TEX14: variants seen among roughly 807,000 people sequenced by gnomAD.
The protein encoded by TEX14 is inactive serine/threonine-protein kinase TEX14.
TEX14 carries 168 observed loss-of-function variants against 178.6 expected under a neutral mutation model. That is an observed-to-expected ratio of 0.94 (90% confidence interval 0.83 to 1.07). The LOEUF (loss-of-function observed/expected upper bound fraction) is 1.07. Among genes scored for constraint, TEX14 ranks in the 50% least tolerant of loss-of-function variants. The pLI, the probability that TEX14 is intolerant of heterozygous loss-of-function variation, is 0.00. For synonymous variants in TEX14, 626 were observed against 634.1 expected, an observed-to-expected ratio of 0.99 and a Z score of 0.19; for missense variants, 1,730 against 1,753.6, an observed-to-expected ratio of 0.99 and a Z score of 0.24.
At chr17:58,642,772 A>G (rs2046604784) in intron 2 of TEX14, among the ~76,000 whole-genome samples, 1 of 151,870 alleles carries the variant, frequency 6.6e-6, no homozygotes, top group Admixed American at 6.6e-5. Flanking sequence ...CTTTCTGGAA[A>G]CCTCTCACCA....
At chr17:58,565,877 C>G in intron 26 of TEX14, 53 bp from the exon 27 acceptor site, 1 of 1,434,156 alleles carries the variant, frequency 7.0e-7, no homozygotes, top group Non-Finnish European at 9.6e-7. Context: ...GCGTGTCCTG[C>G]CGTTCTCTAG....
rs981270341 is a variant in TEX14 at position 58,662,131 on chromosome 17, A to G, written c.-1-10129T>C. 3.4e-5 allele frequency among the ~76,000 whole-genome samples: 5 copies of G among 146,924 alleles called. No individual in the cohort carries two copies. In the South Asian group the frequency reaches 7.4e-4, roughly 22 times the overall value. ...ACTGGGATTACAGGCGTGAGCCACC[A>G]CGCCTGGCCTAAAACTCAGTTTTCA... On this transcript the variant is annotated intron_variant, in intron 1 of 31. Transcript: ENST00000349033.
intron 1 of TEX14, among the ~76,000 whole-genome samples, chr17:58,668,260 A>C (rs907920900): frequency 6.6e-6 from 1 of 152,190 alleles, no homozygotes; most frequent in Non-Finnish European, 1.5e-5. Context: ...ACTTGTGCCC[A>C]GTCTTTCTCC....
Position 58,577,427 on chromosome 17 carries a change from G to T in TEX14, c.3268C>A (p.Leu1090Ile). ...GGCAAAATCTCAGCATTCTTTCCAA[G>T]AATTTTTCTCATTTGGAACTTTTCC... ...GEEKFQMRKI[L>I]GKNAEILPRS... The change falls in exon 21 of 32, where the codon CTT becomes ATT. Residue 1090 changes from leucine to isoleucine, a missense_variant. Leu to Ile is a conservative substitution (Grantham distance 5). Coordinates refer to ENST00000349033, the MANE Select transcript of TEX14 (RefSeq NM_031272.5). 2 of 1,504,680 alleles carry T rather than the reference G, an allele frequency of 1.3e-6. No individual in the cohort carries two copies. Among genetic ancestry groups the T allele is most frequent in the Non-Finnish European group, 8.9e-7 (1 of 1,119,766 alleles). 93.2% of individuals were successfully genotyped at this position (1,504,680 alleles called of 1,614,324 possible). A position where few individuals can be genotyped will look rare whatever the true frequency, so the allele number is the denominator to read the frequency against.
chr17:58,597,472 A>T (rs950103593), intron 14 of TEX14, among the ~76,000 whole-genome samples: 7 of 152,072 alleles, frequency 4.6e-5, no homozygotes, highest in African/African-American at 1.2e-4. Context: ...CAGTAACAAA[A>T]CCCAGTAAAA....
intron 30 of TEX14, among the ~76,000 whole-genome samples, chr17:58,558,775 G>A (rs1478116565): frequency 2.0e-5 from 3 of 152,112 alleles, no homozygotes; most frequent in East Asian, 1.9e-4. Flanking sequence ...CACATTACTT[G>A]TAGACTCCAC....
intron 1 of TEX14, among the ~76,000 whole-genome samples, chr17:58,678,846 AT>A (rs2047439181): frequency 6.7e-6 from 1 of 148,402 alleles, no homozygotes; most frequent in African/African-American, 2.5e-5. Context: ...AATAATAATA[AT>A]AATAATAAAA....
At chr17:58,608,811 C>T (rs576469202) in intron 10 of TEX14, among the ~76,000 whole-genome samples, 76 of 152,266 alleles carry the variant, frequency 5.0e-4, no homozygotes, top group Non-Finnish European at 9.1e-4. Flanking sequence ...GCTAAATTGG[C>T]GTGTGCCAGG....
At chr17:58,639,145 G>A (rs1465533733) in intron 2 of TEX14, among the ~76,000 whole-genome samples, 4 of 151,544 alleles carry the variant, frequency 2.6e-5, no homozygotes, top group East Asian at 2.0e-4. Flanking sequence ...GATTACAGGC[G>A]TGAGCCACCG....
intron 2 of TEX14, among the ~76,000 whole-genome samples, chr17:58,632,300 A>C (rs1407311020): frequency 2.0e-5 from 3 of 152,214 alleles, no homozygotes; most frequent in Non-Finnish European, 4.4e-5. Context: ...TCAAAATTCC[A>C]CACACTTAAA....
intron 1 of TEX14, among the ~76,000 whole-genome samples, chr17:58,656,681 G>A (rs1218572718): frequency 1.3e-5 from 2 of 151,272 alleles, no homozygotes; most frequent in Non-Finnish European, 2.9e-5. Flanking sequence ...TTGAACCTGG[G>A]AGGCAGAGGT....
intron 2 of TEX14, among the ~76,000 whole-genome samples, chr17:58,638,993 A>G (rs970365399): frequency 2.0e-5 from 3 of 149,422 alleles, no homozygotes; most frequent in Non-Finnish European, 4.4e-5. Flanking sequence ...CCTCCTGAGT[A>G]GCTGGGACTA....
chr17:58,586,544 C>A (rs991072059), intron 17 of TEX14, among the ~76,000 whole-genome samples: 2 of 152,066 alleles, frequency 1.3e-5, no homozygotes, highest in Non-Finnish European at 2.9e-5. Flanking sequence ...ATGTCACTTA[C>A]GACTAGTATT....
At chr17:58,591,496 G>A (rs2045140538) in intron 15 of TEX14, among the ~76,000 whole-genome samples, 1 of 151,962 alleles carries the variant, frequency 6.6e-6, no homozygotes, top group Admixed American at 6.6e-5. Flanking sequence ...CCAGCCTGGG[G>A]AACAAGGGCG....
At chr17:58,612,412 G>A (rs1024951705) in intron 9 of TEX14, among the ~76,000 whole-genome samples, 7 of 152,024 alleles carry the variant, frequency 4.6e-5, no homozygotes, top group Admixed American at 6.6e-5. Context: ...AACATAGTGG[G>A]ACCATGATTC....
At chr17:58,615,026 C>G (rs302857) in intron 8 of TEX14, among the ~76,000 whole-genome samples, 36,478 of 152,130 alleles carry the variant, frequency 0.24, 5,281 homozygotes, top group Middle Eastern at 0.41. Flanking sequence ...CTCACCACCA[C>G]TGTCCCCACT....
intron 2 of TEX14, among the ~76,000 whole-genome samples, chr17:58,638,283 A>G (rs1326641125): frequency 6.6e-6 from 1 of 151,970 alleles, no homozygotes; most frequent in Non-Finnish European, 1.5e-5. Context: ...CCAACCCGGG[A>G]CACTTGCTTG....
At chr17:58,633,344 G>A (rs914399389) in intron 2 of TEX14, among the ~76,000 whole-genome samples, 2 of 152,146 alleles carry the variant, frequency 1.3e-5, no homozygotes, top group African/African-American at 4.8e-5. Flanking sequence ...CTACATGAAT[G>A]GCTTTGGGTA....
At chr17:58,582,737 T>A (rs2044853302) in intron 19 of TEX14, among the ~76,000 whole-genome samples, 1 of 151,690 alleles carries the variant, frequency 6.6e-6, no homozygotes, top group South Asian at 2.1e-4. Context: ...CTACTTTTTG[T>A]ATTTTTAGTA....
Sources: gnomAD v4.1 joint callset for allele counts (sites outside exome capture counted in the v4.1 genomes callset) on GRCh38, gnomAD v4.1.1 for gene constraint, MANE v1.5 for transcripts, NCBI Gene and HGNC (gene_info 2026-07-23, HGNC 2026-07-21) for gene names.